EYA2: variants seen among roughly 807,000 people sequenced by gnomAD.
The protein encoded by EYA2 is protein phosphatase EYA2.
EYA2 carries 31 observed loss-of-function variants against 69.2 expected under a neutral mutation model. The observed-to-expected ratio is 0.45, with a 90% CI of 0.34 to 0.60. The LOEUF (loss-of-function observed/expected upper bound fraction) is 0.60, where lower values mean the gene tolerates loss of function less well. Ranked by LOEUF, EYA2 falls within the 20% of genes least tolerant of loss-of-function variation. EYA2 has a pLI of 0.02. For missense variants in EYA2, 622 were observed against 701.2 expected (o/e 0.89, Z 1.28); for synonymous variants, 257 against 279.4 (o/e 0.92, Z 0.80).
chr20:47,012,813 A>G (rs1856846), intron 4 of EYA2, among the ~76,000 whole-genome samples: 143,682 of 152,298 alleles, frequency 0.94, 67,867 homozygotes, highest in Non-Finnish European at 0.97. Flanking sequence ...TGTTTTAAAA[A>G]CATACTAAAT....
At chr20:46,926,119 T>C (rs1985401932) in intron 1 of EYA2, among the ~76,000 whole-genome samples, 1 of 152,238 alleles carries the variant, frequency 6.6e-6, no homozygotes, top group South Asian at 2.1e-4. Context: ...CCACATTTGC[T>C]TCTGTTTACA....
intron 4 of EYA2, 65 bp from the exon 5 acceptor site, chr20:47,016,116 G>A (rs1458881038): frequency 8.5e-7 from 1 of 1,181,776 alleles, no homozygotes; most frequent in Admixed American, 1.7e-5. Context: ...GCTCTTTTGT[G>A]GGTGACAAGG....
chr20:46,946,546 C>T (rs1050144436), intron 1 of EYA2, among the ~76,000 whole-genome samples: 1 of 152,170 alleles, frequency 6.6e-6, no homozygotes, highest in East Asian at 1.9e-4. Flanking sequence ...ATCATTTGAA[C>T]ATGAGCCTGG....
chr20:46,956,287 T>A (rs1979122314), intron 1 of EYA2, among the ~76,000 whole-genome samples: 1 of 152,254 alleles, frequency 6.6e-6, no homozygotes, highest in African/African-American at 2.4e-5. Flanking sequence ...TACTTATTGT[T>A]TTTAACAGCT....
chr20:46,951,726 T>A (rs1408703963), intron 1 of EYA2, among the ~76,000 whole-genome samples: 3 of 152,186 alleles, frequency 2.0e-5, no homozygotes, highest in Admixed American at 2.0e-4. Context: ...TCATCTGAAC[T>A]TCAAGTGACT....
In EYA2 at chr20:47,075,075, C is replaced by T. The variant is rs187158317; in HGVS notation, c.661+740C>T. ...GCAGTGAGCCGAGATCGCGCCATTG[C>T]GCTCCAGCCTGGGCAACAAGAGTGA... On this transcript the variant is annotated intron_variant, in intron 7 of 15. Transcript: ENST00000327619. Among the ~76,000 whole-genome samples, 203 of 152,314 alleles carry T rather than the reference C, an allele frequency of 1.3e-3. 2 individuals carry two copies. The highest frequency in any genetic ancestry group is 4.0e-3 in the African/African-American group (166 of 41,562).
chr20:47,171,000 C>G (rs557689785), intron 11 of EYA2, among the ~76,000 whole-genome samples: 61 of 152,336 alleles, frequency 4.0e-4, no homozygotes, highest in Non-Finnish European at 6.9e-4. Flanking sequence ...ATCAGCCATT[C>G]GGAAAATCCC....
chr20:47,026,661 T>C (rs1831259105), intron 5 of EYA2, among the ~76,000 whole-genome samples: 1 of 152,158 alleles, frequency 6.6e-6, no homozygotes. Flanking sequence ...GATTTCAGAC[T>C]CAAATAGTAC....
intron 4 of EYA2, among the ~76,000 whole-genome samples, chr20:47,010,674 T>TAC (rs910116018): frequency 1.3e-5 from 1 of 79,538 alleles, no homozygotes; most frequent in African/African-American, 4.5e-5. Flanking sequence ...CATTTATATC[T>TAC]ACATATATAT....
At chr20:47,091,776 C>T (rs543003406) in intron 8 of EYA2, among the ~76,000 whole-genome samples, 1 of 152,054 alleles carries the variant, frequency 6.6e-6, no homozygotes, top group East Asian at 1.9e-4. Context: ...GTTACTTAAG[C>T]AAAAATGAAT....
At chr20:46,932,756 G>T (rs1985727475) in intron 1 of EYA2, among the ~76,000 whole-genome samples, 1 of 152,122 alleles carries the variant, frequency 6.6e-6, no homozygotes, top group South Asian at 2.1e-4. Flanking sequence ...CGTGGTGGCG[G>T]GTGCCTGTAT....
chr20:46,992,095 C>T (rs909212908), intron 2 of EYA2, among the ~76,000 whole-genome samples: 4 of 152,198 alleles, frequency 2.6e-5, no homozygotes, highest in African/African-American at 4.8e-5. Context: ...CCCTTTTGTC[C>T]TTAATTGTTA....
intron 5 of EYA2, among the ~76,000 whole-genome samples, chr20:47,018,835 TA>T (rs1487326344): frequency 6.6e-6 from 1 of 152,192 alleles, no homozygotes; most frequent in African/African-American, 2.4e-5. Flanking sequence ...GCAGAGCCAA[TA>T]AGTGTTCAGA....
chr20:47,003,168 C>T (rs1014864198), intron 3 of EYA2, among the ~76,000 whole-genome samples: 2 of 152,144 alleles, frequency 1.3e-5, no homozygotes, highest in Non-Finnish European at 2.9e-5. Context: ...AGGGTGTGGC[C>T]TCTGGAGCCA....
At chr20:46,996,952 G>A (rs891763755) in intron 2 of EYA2, among the ~76,000 whole-genome samples, 3 of 151,888 alleles carry the variant, frequency 2.0e-5, no homozygotes, top group African/African-American at 4.8e-5. Context: ...CTGAATATAC[G>A]CCAGAAAGTG....
chr20:47,086,041 GAA>G (rs2031884193), intron 7 of EYA2, among the ~76,000 whole-genome samples: 2 of 152,222 alleles, frequency 1.3e-5, no homozygotes, highest in East Asian at 3.8e-4. Context: ...TTAAAAGAGA[GAA>G]AGAAAAAGAA....
chr20:46,916,228 A>G (rs1361475535), intron 1 of EYA2, among the ~76,000 whole-genome samples: 2 of 152,194 alleles, frequency 1.3e-5, no homozygotes, highest in Non-Finnish European at 2.9e-5. Context: ...TATTTGACCT[A>G]CATCTGCCCC....
intron 9 of EYA2, among the ~76,000 whole-genome samples, chr20:47,124,530 G>A (rs1356880616): frequency 1.3e-5 from 2 of 152,124 alleles, no homozygotes; most frequent in Non-Finnish European, 2.9e-5. Flanking sequence ...TGGCAGCAGC[G>A]GGCACTTGCT....
chr20:47,020,964 C>T (rs1464302156), intron 5 of EYA2, among the ~76,000 whole-genome samples: 1 of 152,196 alleles, frequency 6.6e-6, no homozygotes, highest in East Asian at 1.9e-4. Flanking sequence ...CGGCTGCAAA[C>T]CAGCCCTGTG....
Sources: gnomAD v4.1 joint callset for allele counts (sites outside exome capture counted in the v4.1 genomes callset) on GRCh38, gnomAD v4.1.1 for gene constraint, MANE v1.5 for transcripts, NCBI Gene and HGNC (gene_info 2026-07-23, HGNC 2026-07-21) for gene names.